ARB2A: variants seen among roughly 807,000 people sequenced by gnomAD.
The protein encoded by ARB2A is ARB2 cotranscriptional regulator A, also known as cotranscriptional regulator ARB2A.
chr5:93,721,053 G>A, the ARB2A span, among the ~76,000 whole-genome samples: 3 of 152,100 alleles, frequency 2.0e-5, no homozygotes, highest in Non-Finnish European at 2.9e-5. Context: ...GAATAATATA[G>A]TTTACTTTAA....
At chr5:93,991,949 T>G in the ARB2A span, among the ~76,000 whole-genome samples, 1 of 151,688 alleles carries the variant, frequency 6.6e-6, no homozygotes, top group Admixed American at 6.6e-5. Flanking sequence ...AGAAAATAAC[T>G]CTAAGGCACA....
At chr5:93,648,943 A>G in the ARB2A span, among the ~76,000 whole-genome samples, 137 of 152,338 alleles carry the variant, frequency 9.0e-4, no homozygotes, top group Non-Finnish European at 1.6e-3. Flanking sequence ...ATCTTATTAT[A>G]AAGAGTCATT....
the ARB2A span, among the ~76,000 whole-genome samples, chr5:93,795,762 T>C: frequency 6.6e-6 from 1 of 151,276 alleles, no homozygotes; most frequent in Non-Finnish European, 1.5e-5. Context: ...ACTGACACCA[T>C]ATTAACCCAC....
At chr5:93,888,454 G>T in the ARB2A span, among the ~76,000 whole-genome samples, 1 of 151,954 alleles carries the variant, frequency 6.6e-6, no homozygotes, top group South Asian at 2.1e-4. Context: ...GTCTAAAGAA[G>T]ACTTGGATGG....
the ARB2A span, among the ~76,000 whole-genome samples, chr5:93,798,815 C>T: frequency 6.6e-6 from 1 of 152,090 alleles, no homozygotes; most frequent in Admixed American, 6.6e-5. Context: ...TGCCTTAGTT[C>T]CTTGATGGTA....
chr5:93,880,068 C>T, the ARB2A span, among the ~76,000 whole-genome samples: 3 of 151,656 alleles, frequency 2.0e-5, no homozygotes, highest in South Asian at 2.1e-4. Flanking sequence ...GTGATATAAC[C>T]GCATTGGAAC....
the ARB2A span, among the ~76,000 whole-genome samples, chr5:94,081,282 A>G: frequency 1.3e-5 from 2 of 152,210 alleles, no homozygotes; most frequent in East Asian, 1.9e-4. Context: ...ACAGTTGAGC[A>G]GTTCCTCAAA....
the ARB2A span, among the ~76,000 whole-genome samples, chr5:94,066,353 A>T: frequency 3.3e-4 from 5 of 15,042 alleles, no homozygotes; most frequent in African/African-American, 3.9e-4. Flanking sequence ...AAATACAGAT[A>T]AAAAAATCAA....
At chr5:94,049,153 T>A in the ARB2A span, among the ~76,000 whole-genome samples, 1 of 152,268 alleles carries the variant, frequency 6.6e-6, no homozygotes, top group Admixed American at 6.5e-5. Context: ...AAAATAAAGA[T>A]AATATGACAC....
the ARB2A span, among the ~76,000 whole-genome samples, chr5:94,020,286 G>A: frequency 6.6e-6 from 1 of 151,874 alleles, no homozygotes; most frequent in Non-Finnish European, 1.5e-5. Context: ...GTGGGTAGGG[G>A]GCTGGGGAGG....
At chr5:93,714,430 C>T in the ARB2A span, among the ~76,000 whole-genome samples, 1 of 152,196 alleles carries the variant, frequency 6.6e-6, no homozygotes. Flanking sequence ...ACTCTGAAAG[C>T]CTCCCTTCTA....
At chr5:93,864,466 G>A in the ARB2A span, among the ~76,000 whole-genome samples, 1 of 152,022 alleles carries the variant, frequency 6.6e-6, no homozygotes, top group Non-Finnish European at 1.5e-5. Flanking sequence ...CACATTACTG[G>A]AAATTGAAGT....
chr5:93,949,835 C>G, the ARB2A span, among the ~76,000 whole-genome samples: 1 of 152,094 alleles, frequency 6.6e-6, no homozygotes, highest in African/African-American at 2.4e-5. Context: ...ATTCCACTCT[C>G]TATCTCCCTG....
At chr5:93,898,155 C>T in the ARB2A span, among the ~76,000 whole-genome samples, 3 of 152,160 alleles carry the variant, frequency 2.0e-5, no homozygotes, top group East Asian at 1.9e-4. Flanking sequence ...CAAAATGAGA[C>T]ATACGATTTC....
chr5:94,032,671 G>A, the ARB2A span, among the ~76,000 whole-genome samples: 2 of 152,180 alleles, frequency 1.3e-5, no homozygotes, highest in Non-Finnish European at 2.9e-5. Flanking sequence ...AGTCATAGGG[G>A]CAGGACTTCC....
At chr5:93,843,792 G>C in the ARB2A span, among the ~76,000 whole-genome samples, 10 of 152,210 alleles carry the variant, frequency 6.6e-5, no homozygotes, top group East Asian at 1.9e-3. Context: ...ATGAAAAATA[G>C]GAGAGAAAAG....
the ARB2A span, chr5:93,865,511 T>C: frequency 5.1e-6 from 5 of 985,438 alleles, no homozygotes; most frequent in Non-Finnish European, 6.0e-6. Context: ...ATAACTGGCA[T>C]TGTACTTTTA....
chr5:93,706,390 A>C, the ARB2A span, among the ~76,000 whole-genome samples: 1 of 152,176 alleles, frequency 6.6e-6, no homozygotes, highest in African/African-American at 2.4e-5. Context: ...CAGGGACTGA[A>C]AGGAGGAGAG....
chr5:93,794,616 G>A, the ARB2A span, among the ~76,000 whole-genome samples: 1 of 152,192 alleles, frequency 6.6e-6, no homozygotes, highest in African/African-American at 2.4e-5. Flanking sequence ...GTGCTCCCTT[G>A]ATGTGGTGTT....
Sources: allele counts gnomAD v4.1 joint callset (sites outside exome capture counted in the v4.1 genomes callset), GRCh38; gene constraint gnomAD v4.1.1; transcripts MANE v1.5; gene names NCBI Gene and HGNC (gene_info 2026-07-23, HGNC 2026-07-21).